The following CCDC171 variants were observed in gnomAD, a reference collection of about 807,000 sequenced individuals.
The protein encoded by CCDC171 is coiled-coil domain-containing protein 171.
In CCDC171, 177 loss-of-function variants were observed where a neutral mutation model predicts 168.2. The observed-to-expected ratio is 1.05, with a 90% CI of 0.93 to 1.19. CCDC171 has a LOEUF of 1.19. Ranked by LOEUF, CCDC171 falls within the 50% of genes most tolerant of loss-of-function variation. The probability of loss-of-function intolerance (pLI) is 0.00; values close to 1 mark genes in which losing one functional copy is unlikely to be tolerated. For synonymous variants in CCDC171, 687 were observed against 540.8 expected, an observed-to-expected ratio of 1.27 and a Z score of -3.75; for missense variants, 1,991 against 1,539.0, an observed-to-expected ratio of 1.29 and a Z score of -4.91.
intron 25 of CCDC171, among the ~76,000 whole-genome samples, chr9:15,932,109 A>C (rs1431952457): frequency 6.6e-6 from 1 of 151,854 alleles, no homozygotes; most frequent in Non-Finnish European, 1.5e-5. Flanking sequence ...ATGTGGTCTC[A>C]CATGAATTTT....
At chr9:15,707,031 T>C (rs2052299792) in intron 11 of CCDC171, among the ~76,000 whole-genome samples, 1 of 152,196 alleles carries the variant, frequency 6.6e-6, no homozygotes. Context: ...CTTGAGAATT[T>C]TTAATTGTTC....
chr9:15,801,562 C>G (rs961186026), intron 21 of CCDC171, among the ~76,000 whole-genome samples: 11 of 152,100 alleles, frequency 7.2e-5, no homozygotes, highest in Non-Finnish European at 1.5e-4. Context: ...CATCTGCAAA[C>G]AAAGATAATT....
chr9:15,818,405 G>A (rs1033368931), intron 21 of CCDC171, among the ~76,000 whole-genome samples: 1 of 117,146 alleles, frequency 8.5e-6, no homozygotes, highest in South Asian at 2.8e-4. Flanking sequence ...CCGAGCTAAA[G>A]GAGGAAGTTC....
intron 16 of CCDC171, among the ~76,000 whole-genome samples, chr9:15,737,732 C>T (rs1252187987): frequency 1.3e-5 from 2 of 152,052 alleles, no homozygotes; most frequent in Non-Finnish European, 2.9e-5. Context: ...GTTAAATTTA[C>T]GTAATGAAGA....
chr9:16,069,486 G>A, the CCDC171 span, among the ~76,000 whole-genome samples: 1 of 152,260 alleles, frequency 6.6e-6, no homozygotes, highest in Non-Finnish European at 1.5e-5. Context: ...CGAGCCTCTC[G>A]GGGTGAGAAG....
chr9:15,844,192 A>G (rs1014053357), intron 21 of CCDC171, among the ~76,000 whole-genome samples: 2 of 152,074 alleles, frequency 1.3e-5, no homozygotes, highest in African/African-American at 4.8e-5. Flanking sequence ...TCAGTTGGAA[A>G]TATTAGAGTC....
At chr9:15,659,529 G>T (rs1050180683) in intron 8 of CCDC171, among the ~76,000 whole-genome samples, 51 of 152,116 alleles carry the variant, frequency 3.4e-4, no homozygotes, top group Admixed American at 3.0e-3. Context: ...TAGATTCTCA[G>T]TATAAACTGT....
chr9:16,078,551 T>C, the CCDC171 span, among the ~76,000 whole-genome samples: 1 of 152,180 alleles, frequency 6.6e-6, no homozygotes, highest in African/African-American at 2.4e-5. Flanking sequence ...CTGGAAGTTT[T>C]AGTGATTTGA....
intron 10 of CCDC171, among the ~76,000 whole-genome samples, chr9:15,681,112 C>T (rs982521318): frequency 6.6e-6 from 1 of 152,032 alleles, no homozygotes; most frequent in Non-Finnish European, 1.5e-5. Flanking sequence ...AGTGGCAGCT[C>T]ACCAGCAACC....
rs1419207083 is a variant in CCDC171, at chr9:15,690,444, TTA to T, written c.1216-4789_1216-4788del. On this transcript the variant is annotated intron_variant, in intron 10 of 25. Transcript: ENST00000380701. ...TGCCAAATCAATGTTTAGAGATAGA[TTA>T]TCTCACAAATAGTTTTTAGACAACT... Among the ~76,000 whole-genome samples, 5 of 152,282 alleles carry T rather than the reference TTA, an allele frequency of 3.3e-5. No homozygotes were observed. The East Asian group carries it at 9.6e-4, about 29-fold the overall frequency.
chr9:15,950,266 AC>A (rs971300053), intron 25 of CCDC171, among the ~76,000 whole-genome samples: 1 of 152,146 alleles, frequency 6.6e-6, no homozygotes, highest in African/African-American at 2.4e-5. Flanking sequence ...TTCAGGAAAT[AC>A]AGAGAACACC....
At chr9:16,108,704 G>A in the CCDC171 span, among the ~76,000 whole-genome samples, 1 of 152,164 alleles carries the variant, frequency 6.6e-6, no homozygotes, top group Non-Finnish European at 1.5e-5. Flanking sequence ...GGCCCTTTGT[G>A]TTCACAGGTC....
At chr9:15,618,938 C>T (rs7038119) in intron 6 of CCDC171, among the ~76,000 whole-genome samples, 2,052 of 152,042 alleles carry the variant, frequency 0.013, 43 homozygotes, top group African/African-American at 0.046. Flanking sequence ...TGCAGACTGC[C>T]GCTGTTTCTA....
At chr9:15,673,942 C>A (rs140657120) in intron 9 of CCDC171, among the ~76,000 whole-genome samples, 1 of 152,044 alleles carries the variant, frequency 6.6e-6, no homozygotes, top group Non-Finnish European at 1.5e-5. Flanking sequence ...CCTCTTTGTA[C>A]CTCTGGTAGT....
At chr9:15,960,733 A>C (rs893943311) in intron 25 of CCDC171, among the ~76,000 whole-genome samples, 2 of 152,172 alleles carry the variant, frequency 1.3e-5, no homozygotes, top group Non-Finnish European at 2.9e-5. Flanking sequence ...TTCTGCAGAT[A>C]TGACCCCCAG....
At chr9:15,998,011 G>T (rs1832423781) in intron 3 of CCDC171, among the ~76,000 whole-genome samples, 2 of 152,172 alleles carry the variant, frequency 1.3e-5, no homozygotes, top group African/African-American at 4.8e-5. Flanking sequence ...GCTGTAGCTT[G>T]TACTTCCATA....
At chr9:15,956,571 G>C (rs1246839891) in intron 25 of CCDC171, among the ~76,000 whole-genome samples, 1 of 151,974 alleles carries the variant, frequency 6.6e-6, no homozygotes, top group Non-Finnish European at 1.5e-5. Context: ...AATTTTCAGA[G>C]TGCAAATAAA....
chr9:15,746,846 C>A (rs551913370), intron 18 of CCDC171, among the ~76,000 whole-genome samples: 1 of 152,158 alleles, frequency 6.6e-6, no homozygotes. Flanking sequence ...CGTTTCCTAG[C>A]CAAGGGAAGC....
intron 18 of CCDC171, among the ~76,000 whole-genome samples, chr9:15,774,313 A>G (rs932626534): frequency 2.0e-5 from 3 of 150,454 alleles, no homozygotes; most frequent in Non-Finnish European, 4.4e-5. Flanking sequence ...TGAATAGACA[A>G]TTCTCAAAAG....
Sources: gnomAD v4.1 joint callset for allele counts (sites outside exome capture counted in the v4.1 genomes callset) on GRCh38, gnomAD v4.1.1 for gene constraint, MANE v1.5 for transcripts, NCBI Gene and HGNC (gene_info 2026-07-23, HGNC 2026-07-21) for gene names.